ITGB4: variants seen among roughly 807,000 people sequenced by gnomAD.
The protein encoded by ITGB4 is integrin subunit beta 4.
In ITGB4, 159 loss-of-function variants were observed where a neutral mutation model predicts 207.6. The observed-to-expected ratio is 0.77, with a 90% CI of 0.67 to 0.87. The LOEUF (loss-of-function observed/expected upper bound fraction) is 0.87. Among genes scored for constraint, ITGB4 ranks in the 40% least tolerant of loss-of-function variants. ITGB4 has a pLI of 0.00. For missense variants in ITGB4, 2,278 were observed against 2,546.8 expected, an observed-to-expected ratio of 0.89 and a Z score of 2.27; for synonymous variants, 1,020 against 1,062.7, an observed-to-expected ratio of 0.96 and a Z score of 0.78.
At position 75,757,268 on chromosome 17, in the gene ITGB4, A is replaced by G; in HGVS notation, c.5287A>G (p.Ile1763Val). The change falls in exon 39 of 40, where the codon ATC (isoleucine) becomes GTC (valine). Residue 1763 changes from isoleucine to valine, a missense_variant. Transcript: ENST00000200181. The part of the protein sequence containing the change: ...QHPLQSEYSS[I>V]TTTHTSATEP... ...CCCGCTGCAAAGCGAGTACAGCAGC[A>G]TCACCACCACCCACACCAGCGCCAC... is the stretch of plus-strand genomic sequence containing the variant. The G allele has an allele frequency of 6.2e-7, 1 of 1,611,116 alleles. No individual in the cohort carries two copies. Among genetic ancestry groups the G allele is most frequent in the Non-Finnish European group, 8.5e-7 (1 of 1,179,962 alleles).
Position 75,730,463 on chromosome 17 carries a change from C to T in ITGB4, c.961C>T (p.Pro321Ser). ...VRLLAKHNII[P>S]IFAVTNYSYS... ...CCTGCTCGCCAAGCACAACATCATC[C>T]CCATCTTTGCTGTCACCAACTACTC... Residue 321 changes from proline (P) to serine (S), a missense_variant, in exon 8 of 40, where the codon CCC (proline) becomes TCC (serine). By Grantham distance (74) the Pro-to-Ser change is moderately conservative. Coordinates refer to ENST00000200181, the MANE Select transcript of ITGB4 (RefSeq NM_000213.5). 1 of 1,614,060 alleles carries T rather than the reference C, an allele frequency of 6.2e-7. No homozygotes were observed. The highest frequency in any genetic ancestry group is 8.5e-7 in the Non-Finnish European group (1 of 1,180,020).
rs938201450 is a variant in ITGB4, at chr17:75,740,337, C to G, written c.2447-21C>G. ...GGGGCTGACCACCTCCATCTCACCC[C>G]CTCCCACCGCCTTTCCTTAGTGCCC... On this transcript the variant is annotated intron_variant, in intron 20 of 39. Coordinates refer to ENST00000200181, the MANE Select transcript of ITGB4 (RefSeq NM_000213.5). The surrounding 1 kb of genome is among the most constrained non-coding windows in gnomAD (Gnocchi z 5.9). 1 of 1,601,530 alleles carries G rather than the reference C, an allele frequency of 6.2e-7. No homozygotes were observed.
chr17:75,735,904 A>C, intron 13 of ITGB4, 147 bp from the exon 14 acceptor site: 3 of 762,332 alleles, frequency 3.9e-6, no homozygotes, highest in Non-Finnish European at 4.7e-6. Flanking sequence ...AGATTCCAGG[A>C]AAGTGAGGAA....
At chr17:75,741,277 C>A (rs902818809) in intron 23 of ITGB4, among the ~76,000 whole-genome samples, 1 of 152,196 alleles carries the variant, frequency 6.6e-6, no homozygotes, top group Non-Finnish European at 1.5e-5. Context: ...TCCAGCCCCC[C>A]ACCCGGTACC....
In ITGB4 at chr17:75,736,615, G is replaced by A. The variant is rs376183156; in HGVS notation, c.1911G>A (p.Ala637=). Residue 637 remains alanine (A), a synonymous_variant, in exon 16 of 40, where the codon GCG becomes GCA. Transcript: ENST00000200181. ...TACGCTCCTGCGTGCAGTGCCAGGC[G>A]TGGGGCACCGGCGAGAAGAAGGGGC... ...EDLRSCVQCQ[A]WGTGEKKGRT... is the part of the protein sequence containing the mutation. 194 of 1,603,172 alleles carry A rather than the reference G, an allele frequency of 1.2e-4. 1 individual carries two copies. The highest frequency in any genetic ancestry group is 1.4e-4 in the Non-Finnish European group (170 of 1,175,676).
rs1187616116 is a variant in ITGB4, at chr17:75,732,539, T to C, written c.1454+300T>C. Among the ~76,000 whole-genome samples, 2 of 152,160 alleles carry C rather than the reference T, an allele frequency of 1.3e-5. No individual in the cohort carries two copies. Among genetic ancestry groups the C allele is most frequent in the Non-Finnish European group, 2.9e-5 (2 of 68,036 alleles). On this transcript the variant is annotated intron_variant, in intron 12 of 39. Coordinates refer to ENST00000200181, the MANE Select transcript of ITGB4 (RefSeq NM_000213.5). This position sits in a 1 kb window ranked among gnomAD's most constrained non-coding sequence, Gnocchi z 5.3. ...CAGGCACACGAGGCTTCCTTTTTGC[T>C]CCATGCCTTTGGTATTCTGAGTCCT...
At position 75,750,103 on chromosome 17, in the gene ITGB4, C is replaced by T. The variant is rs1175473708; in HGVS notation, c.3317-8C>T. On this transcript the variant is annotated splice_polypyrimidine_tract_variant and splice_region_variant and intron_variant, in intron 27 of 39. Coordinates refer to ENST00000200181, the MANE Select transcript of ITGB4 (RefSeq NM_000213.5). The surrounding 1 kb of genome is among the most constrained non-coding windows in gnomAD (Gnocchi z 5.5). ...GAGTGGTTGCCCGGCCCCAACCTGA[C>T]CCGTTAGATGAACTGGACCGGAGCT... 1 of 1,613,540 alleles carries T rather than the reference C, an allele frequency of 6.2e-7. No homozygotes were observed. The highest frequency in any genetic ancestry group is 2.2e-5 in the East Asian group (1 of 44,878).
At position 75,757,519 on chromosome 17, in the gene ITGB4, T is replaced by A; in HGVS notation, c.5433T>A (p.Leu1811=). 1 of 1,613,398 alleles carries A rather than the reference T, an allele frequency of 6.2e-7. No homozygotes were observed. The highest frequency in any genetic ancestry group is 8.5e-7 in the Non-Finnish European group (1 of 1,179,994). Residue 1811 remains leucine (L), a synonymous_variant, in exon 40 of 40, where the codon CTT becomes CTA. Coordinates refer to ENST00000200181, the MANE Select transcript of ITGB4 (RefSeq NM_000213.5). ...GGACACTGACCACCAGCGGAACCCT[T>A]AGCACCCACATGGACCAACAGTTCT... ...VSRTLTTSGT[L]STHMDQQFFQ... is the part of the protein sequence containing the mutation.
At position 75,740,959 on chromosome 17, in the gene ITGB4, C is replaced by T. The variant is rs763116854; in HGVS notation, c.2610-23C>T. On this transcript the variant is annotated intron_variant, in intron 22 of 39. Transcript: ENST00000200181. This position sits in a 1 kb window ranked among gnomAD's most constrained non-coding sequence, Gnocchi z 5.9. The stretch of plus-strand genomic sequence containing the variant: ...CTCCACTTCAGGGCTATCTAGCTCA[C>T]AGCGCCCTCTTTGTCCCCACAGGCA... 6.2e-7 allele frequency: 1 copy of T among 1,614,046 alleles called. No individual in the cohort carries two copies. The highest frequency in any genetic ancestry group is 1.1e-5 in the South Asian group (1 of 91,082).
chr17:75,725,215 T>C (rs2060694397), intron 2 of ITGB4, among the ~76,000 whole-genome samples: 2 of 152,222 alleles, frequency 1.3e-5, no homozygotes, highest in African/African-American at 4.8e-5. Flanking sequence ...GTCCTGCTGG[T>C]GGCTTGAAAT....
At position 75,730,510 on chromosome 17, in the gene ITGB4, G is replaced by C. The variant is rs768146206; in HGVS notation, c.1002+6G>C. ...ACTCCTATAGCTACTACGAGGTGCG[G>C]GGCCCAGGTCCCACGGGTGGGAGGT... On this transcript the variant is annotated splice_donor_region_variant and intron_variant, in intron 8 of 39. Coordinates refer to ENST00000200181, the MANE Select transcript of ITGB4 (RefSeq NM_000213.5). 53 of 1,613,448 alleles carry C rather than the reference G, an allele frequency of 3.3e-5. No individual in the cohort carries two copies.
intron 18 of ITGB4, among the ~76,000 whole-genome samples, chr17:75,738,897 G>T (rs570699320): frequency 6.6e-6 from 1 of 152,252 alleles, no homozygotes; most frequent in South Asian, 2.1e-4. Context: ...AGGATCACGA[G>T]TCTGGGAGTT....
At chr17:75,730,150 T>C in intron 7 of ITGB4, 91 bp from the exon 8 acceptor site, 3 of 1,563,290 alleles carry the variant, frequency 1.9e-6, no homozygotes, top group Non-Finnish European at 1.7e-6. Context: ...CAGCCCCATG[T>C]TGGGACCCGC....
chr17:75,748,574 G>A (rs2061286299), intron 26 of ITGB4, among the ~76,000 whole-genome samples: 1 of 151,870 alleles, frequency 6.6e-6, no homozygotes, highest in Non-Finnish European at 1.5e-5. Context: ...GGAAGATGAG[G>A]TGTGAGAATC....
Position 75,736,143 on chromosome 17 carries a change from G to A in ITGB4, c.1750G>A (p.Asp584Asn), listed in dbSNP as rs139115559. The A allele has an allele frequency of 1.7e-5, 28 of 1,614,088 alleles. No homozygotes were observed. Among genetic ancestry groups the A allele is most frequent in the African/African-American group, 5.3e-5 (4 of 75,034 alleles). The change falls in exon 14 of 40, where the codon GAC (aspartate) becomes AAC (asparagine). Residue 584 changes from aspartate to asparagine, a missense_variant. Asp to Asn is a conservative substitution (Grantham distance 23, BLOSUM62 1). Coordinates refer to ENST00000200181, the MANE Select transcript of ITGB4 (RefSeq NM_000213.5). ...TCCCCTCAGCAATGCCACCTGCATC[G>A]ACAGCAATGGGGTAGGCCTGGGCAT... ...DCPLSNATCIDSNGGICNGRG... is the reference protein window; with the variant it reads ...DCPLSNATCINSNGGICNGRG...
chr17:75,739,139 T>C lies in ITGB4; in HGVS notation c.2221-533T>C, dbSNP rs1599260085. On this transcript the variant is annotated intron_variant, in intron 18 of 39. Coordinates refer to ENST00000200181, the MANE Select transcript of ITGB4 (RefSeq NM_000213.5). This position sits in a 1 kb window ranked among gnomAD's most constrained non-coding sequence, Gnocchi z 5.4. ...GGTGACACCCCATCTCTACTAGAAA[T>C]ACAAAATTAGCTGGGCATGGAGGTG... Among the ~76,000 whole-genome samples the C allele has an allele frequency of 6.6e-6, 1 of 151,084 alleles. No individual in the cohort carries two copies. The highest frequency in any genetic ancestry group is 2.1e-4 in the South Asian group (1 of 4,784).
In ITGB4 at chr17:75,727,581, G is replaced by T; in HGVS notation, c.265-70G>T. Reference sequence around the variant, plus strand: ...TTTATGGGGGTGTATAGTGCCCCTTGGCCGGGCTGGGCCCCCATCGGGCCT... The same window carrying T: ...TTTATGGGGGTGTATAGTGCCCCTTTGCCGGGCTGGGCCCCCATCGGGCCT... On this transcript the variant is annotated intron_variant, in intron 4 of 39. Transcript: ENST00000200181. This position sits in a 1 kb window ranked among gnomAD's most constrained non-coding sequence, Gnocchi z 6.0. The T allele has an allele frequency of 6.3e-7, 1 of 1,582,626 alleles. No individual in the cohort carries two copies. Among genetic ancestry groups the T allele is most frequent in the Non-Finnish European group, 8.6e-7 (1 of 1,163,922 alleles).
Position 75,742,809 on chromosome 17 carries a change from C to T in ITGB4, c.2962+48C>T. ...GGGAAGGCAGACGGGGGCTCGGGGG[C>T]ACTGGTTCCTCCTGCTTAAGTGGAA... On this transcript the variant is annotated intron_variant, in intron 25 of 39. Transcript: ENST00000200181. The surrounding 1 kb of genome is among the most constrained non-coding windows in gnomAD (Gnocchi z 5.9). 1 of 1,550,916 alleles carries T rather than the reference C, an allele frequency of 6.4e-7. No individual in the cohort carries two copies. The highest frequency in any genetic ancestry group is 8.7e-7 in the Non-Finnish European group (1 of 1,145,686).
At chr17:75,754,982 A>G in intron 34 of ITGB4, 167 bp downstream of exon 34, 5 of 1,536,742 alleles carry the variant, frequency 3.3e-6, no homozygotes, top group Non-Finnish European at 4.5e-6. Flanking sequence ...ATGTACACAG[A>G]CATGCATGCG....
Sources: allele counts gnomAD v4.1 joint callset (sites outside exome capture counted in the v4.1 genomes callset), GRCh38; gene constraint gnomAD v4.1.1; non-coding constraint Gnocchi (gnomAD v3.1); transcripts MANE v1.5; gene names NCBI Gene and HGNC (gene_info 2026-07-23, HGNC 2026-07-21).